The following C11orf65 variants were observed in gnomAD, a reference collection of about 807,000 sequenced individuals.
C11orf65 encodes protein MFI.
A neutral mutation model predicts 35.3 loss-of-function variants in C11orf65; 38 were observed. The ratio of observed to expected loss-of-function variants is 1.08; its 90% CI spans 0.83 to 1.41. C11orf65 has a LOEUF of 1.41. Ranked by LOEUF, C11orf65 falls within the 40% of genes most tolerant of loss-of-function variation. The pLI, the probability that C11orf65 is intolerant of heterozygous loss-of-function variation, is 0.00. For synonymous variants in C11orf65, 105 were observed against 114.4 expected, an observed-to-expected ratio of 0.92 and a Z score of 0.53; for missense variants, 370 against 367.1, an observed-to-expected ratio of 1.01 and a Z score of -0.06.
At chr11:108,395,802 T>C (rs2092296532) in intron 6 of C11orf65, among the ~76,000 whole-genome samples, 1 of 150,894 alleles carries the variant, frequency 6.6e-6, no homozygotes, top group Admixed American at 6.6e-5. Context: ...TTGTATTTTT[T>C]AGTAGAGACG....
intron 7 of C11orf65, among the ~76,000 whole-genome samples, chr11:108,391,626 G>A (rs1305121161): frequency 6.6e-6 from 1 of 152,052 alleles, no homozygotes; most frequent in African/African-American, 2.4e-5. Flanking sequence ...CAGTCCACCC[G>A]CCTTGACCTC....
intron 3 of C11orf65, among the ~76,000 whole-genome samples, chr11:108,416,442 G>C (rs1474565326): frequency 6.6e-6 from 1 of 152,180 alleles, no homozygotes; most frequent in Non-Finnish European, 1.5e-5. Flanking sequence ...AACACTTTGG[G>C]AGGCTGAGGC....
chr11:108,353,803 TGAGACA>T lies in C11orf65; in HGVS notation c.227-18517_227-18512del. ...AACAGGGCAAAATCCTTCCTACTCC[TGAGACA>T]GTTCCTTTTAGACTCACCAGAGATA... On this transcript the variant is annotated intron_variant, in intron 2 of 3. Coordinates refer to the C11orf65 transcript ENST00000524755. 1 of 1,614,154 alleles carries T rather than the reference TGAGACA, an allele frequency of 6.2e-7. No individual in the cohort carries two copies.
chr11:108,310,558 G>T (rs2084065066), intron 6 of C11orf65, among the ~76,000 whole-genome samples: 1 of 152,002 alleles, frequency 6.6e-6, no homozygotes, highest in Non-Finnish European at 1.5e-5. Context: ...ATTCCTATAG[G>T]ACAGAGTCCA....
intron 6 of C11orf65, among the ~76,000 whole-genome samples, chr11:108,313,570 T>G (rs956222053): frequency 6.6e-6 from 1 of 152,212 alleles, no homozygotes; most frequent in African/African-American, 2.4e-5. Context: ...CTGTGTTCTG[T>G]TTACCTTTTT....
chr11:108,442,816 C>G (rs971949010), intron 2 of C11orf65, among the ~76,000 whole-genome samples: 8 of 152,184 alleles, frequency 5.3e-5, no homozygotes, highest in African/African-American at 1.4e-4. Context: ...ACAACAGCTC[C>G]TGAAGGAAGC....
At chr11:108,389,426 T>C (rs1565634542) in intron 7 of C11orf65, among the ~76,000 whole-genome samples, 1 of 152,224 alleles carries the variant, frequency 6.6e-6, no homozygotes, top group Non-Finnish European at 1.5e-5. Flanking sequence ...TGAAATTTCA[T>C]CTGAAATTTT....
intron 7 of C11orf65, 55 bp from the exon 8 acceptor site, chr11:108,386,030 T>TA: frequency 7.1e-7 from 1 of 1,403,380 alleles, no homozygotes; most frequent in South Asian, 1.2e-5. Context: ...AGTACATACT[T>TA]AGACTACTTC....
At chr11:108,457,934 G>A (rs2093427324) in intron 2 of C11orf65, among the ~76,000 whole-genome samples, 1 of 152,122 alleles carries the variant, frequency 6.6e-6, no homozygotes, top group African/African-American at 2.4e-5. Context: ...AGAATCAAGA[G>A]CAAATGTATT....
At chr11:108,427,579 G>A (rs1196215029) in intron 3 of C11orf65, among the ~76,000 whole-genome samples, 22 of 149,854 alleles carry the variant, frequency 1.5e-4, no homozygotes, top group Admixed American at 2.6e-4. Context: ...AAAATTAGCC[G>A]GGCATGGTGG....
chr11:108,436,406 T>C lies in C11orf65; in HGVS notation c.82-4568A>G, dbSNP rs2093060951. On this transcript the variant is annotated intron_variant, in intron 2 of 8. Transcript: ENST00000393084. ...CTGGTATTTAAAGTATAAGATATCA[T>C]AGGTAGAGTATGGTTCAGCAAAAAG... 2.6e-5 allele frequency among the ~76,000 whole-genome samples: 4 copies of C among 152,108 alleles called. No homozygotes were observed. In the South Asian group the frequency reaches 8.3e-4, roughly 31 times the overall value.
At chr11:108,347,381 T>C (rs1328030415) in intron 2 of C11orf65, 2 of 1,538,630 alleles carry the variant, frequency 1.3e-6, no homozygotes, top group Non-Finnish European at 9.0e-7. Flanking sequence ...TAATAAAATC[T>C]ATGTATCTAT....
At chr11:108,405,598 T>G in intron 5 of C11orf65, 39 bp from the exon 6 acceptor site, 1 of 1,602,218 alleles carries the variant, frequency 6.2e-7, no homozygotes, top group Non-Finnish European at 8.5e-7. Context: ...AATGTTGAAA[T>G]ATCGATTGTG....
In C11orf65 at chr11:108,343,376, G is replaced by A. The variant is rs1305740166; in HGVS notation, c.227-8084C>T. The A allele has an allele frequency of 1.2e-6, 2 of 1,613,722 alleles. No individual in the cohort carries two copies. Among genetic ancestry groups the A allele is most frequent in the Admixed American group, 3.3e-5 (2 of 59,978 alleles). On this transcript the variant is annotated intron_variant, in intron 2 of 3. Transcript: ENST00000524755. ...CAGTGCCAAAAGAAAATGATGGTGAGTGACACCCAAAATTAAAGGTTATTG... is the reference window on the plus strand; with the variant it reads ...CAGTGCCAAAAGAAAATGATGGTGAATGACACCCAAAATTAAAGGTTATTG...
intron 6 of C11orf65, chr11:108,315,750 C>A: frequency 2.6e-6 from 3 of 1,140,828 alleles, no homozygotes; most frequent in South Asian, 2.5e-5. Flanking sequence ...GGTAATGATA[C>A]AATTTAAAAT....
In C11orf65 at chr11:108,415,437, G is replaced by A. The variant is rs181824678; in HGVS notation, c.175-8288C>T. 8.9e-4 allele frequency among the ~76,000 whole-genome samples: 136 copies of A among 152,220 alleles called. 1 individual carries two copies. The highest frequency in any genetic ancestry group is 2.9e-3 in the African/African-American group (122 of 41,550). ...TCGATATGAGGGAAACTACAAGACC[G>A]TGATGAAGGAAATCAAAGAAGATTT... On this transcript the variant is annotated intron_variant, in intron 3 of 8. Coordinates refer to ENST00000393084, the MANE Select transcript of C11orf65 (RefSeq NM_152587.5).
downstream of C11orf65, among the ~76,000 whole-genome samples, chr11:108,326,647 A>C: frequency 6.6e-6 from 1 of 152,268 alleles, no homozygotes; most frequent in South Asian, 2.1e-4. Context: ...TATCACATCT[A>C]ATATTTTATC....
chr11:108,410,735 G>A (rs965856857), intron 3 of C11orf65, among the ~76,000 whole-genome samples: 1 of 143,346 alleles, frequency 7.0e-6, no homozygotes, highest in African/African-American at 2.6e-5. Flanking sequence ...TTGAGACAGA[G>A]TCTTGCTCTG....
intron 3 of C11orf65, among the ~76,000 whole-genome samples, chr11:108,409,259 T>A (rs2092613188): frequency 6.6e-6 from 1 of 152,328 alleles, no homozygotes. Flanking sequence ...ACATTTGATA[T>A]GTCTCTAGTT....
Sources: gnomAD v4.1 joint callset for allele counts (sites outside exome capture counted in the v4.1 genomes callset) on GRCh38, gnomAD v4.1.1 for gene constraint, MANE v1.5 for transcripts, NCBI Gene and HGNC (gene_info 2026-07-23, HGNC 2026-07-21) for gene names.